Variants in SH3RF1 observed in about 807,000 individuals in gnomAD.
SH3RF1 encodes the protein E3 ubiquitin-protein ligase SH3RF1.
SH3RF1 carries 32 observed loss-of-function variants against 74.0 expected under a neutral mutation model. The observed-to-expected ratio is 0.43, with a 90% CI of 0.33 to 0.58. The LOEUF is 0.58. SH3RF1 is among the 20% of genes least tolerant of loss of function. SH3RF1 has a pLI of 0.05. For missense variants in SH3RF1, 954 were observed against 1,130.9 expected (o/e 0.84, Z 2.24); for synonymous variants, 396 against 439.6 (o/e 0.90, Z 1.24).
chr4:169,226,125 T>A (rs1730650574), intron 2 of SH3RF1, among the ~76,000 whole-genome samples: 1 of 152,234 alleles, frequency 6.6e-6, no homozygotes, highest in Non-Finnish European at 1.5e-5. Flanking sequence ...CAACCAAATG[T>A]TGTGACTCAT....
chr4:169,121,731 T>C (rs1388550286), intron 7 of SH3RF1, among the ~76,000 whole-genome samples: 1 of 152,226 alleles, frequency 6.6e-6, no homozygotes, highest in Non-Finnish European at 1.5e-5. Flanking sequence ...GGATACTCAT[T>C]GCTGAGGACT....
At chr4:169,188,195 G>C (rs1178250977) in intron 2 of SH3RF1, among the ~76,000 whole-genome samples, 2 of 152,168 alleles carry the variant, frequency 1.3e-5, no homozygotes, top group Non-Finnish European at 2.9e-5. Flanking sequence ...CAAAGTTTTT[G>C]GTAATTTGTT....
intron 2 of SH3RF1, among the ~76,000 whole-genome samples, chr4:169,230,485 T>C (rs1730719871): frequency 6.6e-6 from 1 of 152,180 alleles, no homozygotes; most frequent in Non-Finnish European, 1.5e-5. Context: ...TTTCATTTGT[T>C]TTTCTATAAA....
chr4:169,141,847 C>T (rs1157973733), intron 4 of SH3RF1, among the ~76,000 whole-genome samples: 6 of 146,784 alleles, frequency 4.1e-5, no homozygotes, highest in African/African-American at 1.5e-4. Context: ...GAGTCTCGCT[C>T]TGTTGCCCAG....
chr4:169,233,329 C>T (rs77428772), intron 2 of SH3RF1, among the ~76,000 whole-genome samples: 2,009 of 151,288 alleles, frequency 0.013, 31 homozygotes, highest in African/African-American at 0.046. Flanking sequence ...TTTAACATTC[C>T]GGTTATCTGG....
At chr4:169,267,966 T>C (rs1325150364) in intron 2 of SH3RF1, among the ~76,000 whole-genome samples, 1 of 152,162 alleles carries the variant, frequency 6.6e-6, no homozygotes, top group African/African-American at 2.4e-5. Flanking sequence ...GACTACTTTT[T>C]ATTTTTGCAA....
At chr4:169,263,801 T>C (rs1439599521) in intron 2 of SH3RF1, among the ~76,000 whole-genome samples, 1 of 152,210 alleles carries the variant, frequency 6.6e-6, no homozygotes, top group Admixed American at 6.5e-5. Flanking sequence ...AAAGTAGTAG[T>C]TTTCCCCTCT....
intron 2 of SH3RF1, among the ~76,000 whole-genome samples, chr4:169,227,755 C>G (rs1730674775): frequency 6.6e-6 from 1 of 152,150 alleles, no homozygotes; most frequent in Non-Finnish European, 1.5e-5. Context: ...TAGAACAGTG[C>G]CCATCGAAGC....
intron 9 of SH3RF1, 99 bp downstream of exon 9, chr4:169,117,424 A>T (rs4074347): frequency 0.41 from 621,750 of 1,522,438 alleles, 129,556 homozygotes; most frequent in African/African-American, 0.55. Context: ...GTTCATTATT[A>T]AAATTACATC....
chr4:169,156,298 C>T (rs779715563), intron 3 of SH3RF1, 106 bp downstream of exon 3: 6 of 1,328,380 alleles, frequency 4.5e-6, no homozygotes, highest in East Asian at 2.3e-5. Context: ...GTAGTTCACA[C>T]AAAACTTGTA....
At chr4:169,171,295 G>A (rs1734323654) in intron 2 of SH3RF1, among the ~76,000 whole-genome samples, 1 of 152,190 alleles carries the variant, frequency 6.6e-6, no homozygotes, top group South Asian at 2.1e-4. Context: ...GAGTTGCTCT[G>A]AACCTATTAT....
At chr4:169,118,001 G>A (rs1417542046) in intron 8 of SH3RF1, among the ~76,000 whole-genome samples, 2 of 152,130 alleles carry the variant, frequency 1.3e-5, no homozygotes, top group Non-Finnish European at 2.9e-5. Flanking sequence ...GAAACCACAC[G>A]TCATACTCTG....
chr4:169,134,722 G>T lies in SH3RF1; in HGVS notation c.1068+1596C>A, dbSNP rs116340306. ...ATGATCCATGTCTTTTTCTCACACGGATATGATTAGTTAAATGTAAAATGA... is the reference window on the plus strand; with the variant it reads ...ATGATCCATGTCTTTTTCTCACACGTATATGATTAGTTAAATGTAAAATGA... On this transcript the variant is annotated intron_variant, in intron 5 of 11. Coordinates refer to ENST00000284637, the MANE Select transcript of SH3RF1 (RefSeq NM_020870.4). 5.5e-3 allele frequency among the ~76,000 whole-genome samples: 842 copies of T among 152,178 alleles called. 12 individuals are homozygous for T. Among genetic ancestry groups the T allele is most frequent in the African/African-American group, 0.02 (812 of 41,514 alleles).
chr4:169,262,858 C>T (rs1176182572), intron 2 of SH3RF1, among the ~76,000 whole-genome samples: 2 of 152,206 alleles, frequency 1.3e-5, no homozygotes, highest in African/African-American at 2.4e-5. Flanking sequence ...ATCTCATCTC[C>T]GAGTCTCACC....
chr4:169,233,539 T>C (rs1457072382), intron 2 of SH3RF1, among the ~76,000 whole-genome samples: 2 of 152,202 alleles, frequency 1.3e-5, no homozygotes, highest in Non-Finnish European at 2.9e-5. Context: ...TATTAACTCA[T>C]TGCATTACAC....
chr4:169,187,516 CTG>C (rs60705711), intron 2 of SH3RF1, among the ~76,000 whole-genome samples: 1,895 of 144,076 alleles, frequency 0.013, 17 homozygotes, highest in South Asian at 0.025. Context: ...CAACGAATTT[CTG>C]TGTGTGTGTG....
chr4:169,145,318 G>A (rs1420593802), intron 4 of SH3RF1, among the ~76,000 whole-genome samples: 1 of 152,006 alleles, frequency 6.6e-6, no homozygotes, highest in African/African-American at 2.4e-5. Context: ...TATCCTAAGT[G>A]AAATCACTCA....
intron 2 of SH3RF1, among the ~76,000 whole-genome samples, chr4:169,267,713 A>G (rs74715374): frequency 0.015 from 2,223 of 152,320 alleles, 53 homozygotes; most frequent in African/African-American, 0.05. Flanking sequence ...AAGTAGTAGG[A>G]AAACTATTCT....
Position 169,110,115 on chromosome 4 carries a change from C to T in SH3RF1, c.2140-2910G>A, listed in dbSNP as rs141580642. Among the ~76,000 whole-genome samples the T allele has an allele frequency of 7.2e-3, 1,097 of 151,850 alleles. 14 individuals are homozygous for T. Among genetic ancestry groups the T allele is most frequent in the African/African-American group, 0.025 (1,052 of 41,406 alleles). ...AGAGGCCGGGCACAGTGGCTTACAC[C>T]TGTAATCCCAGCACTTTGGGAGGCC... On this transcript the variant is annotated intron_variant, in intron 10 of 11. Transcript: ENST00000284637.
Sources: allele counts gnomAD v4.1 joint callset (sites outside exome capture counted in the v4.1 genomes callset), GRCh38; gene constraint gnomAD v4.1.1; transcripts MANE v1.5; gene names NCBI Gene and HGNC (gene_info 2026-07-23, HGNC 2026-07-21).